Variants in CLIC5 observed in about 807,000 individuals in gnomAD.
CLIC5 encodes chloride intracellular channel protein 5.
In CLIC5, 20 loss-of-function variants were observed where a neutral mutation model predicts 24.7. That is an observed-to-expected ratio of 0.81 (90% CI 0.57 to 1.18). The LOEUF (loss-of-function observed/expected upper bound fraction) is 1.18, where lower values mean the gene tolerates loss of function less well. Ranked by LOEUF, CLIC5 falls within the 50% of genes most tolerant of loss-of-function variation. The probability of loss-of-function intolerance (pLI) is 0.00; values close to 1 mark genes in which losing one functional copy is unlikely to be tolerated. For missense variants in CLIC5, 341 were observed against 326.1 expected (o/e 1.05, Z -0.35); for synonymous variants, 159 against 135.6 (o/e 1.17, Z -1.20).
Position 46,037,159 on chromosome 6 carries a change from G to A in CLIC5, c.540+42544C>T, listed in dbSNP as rs139424449. 7.2e-5 allele frequency among the ~76,000 whole-genome samples: 11 copies of A among 152,184 alleles called. No homozygotes were observed. The East Asian group carries it at 1.9e-3, about 27-fold the overall frequency. On this transcript the variant is annotated intron_variant, in intron 1 of 5. Transcript: ENST00000185206. Reference sequence around the variant, plus strand: ...GAAGGACATCACTGTCATTCTGGCCGGTGAATGATTATTCATTTTTCCCCC... The same window carrying A: ...GAAGGACATCACTGTCATTCTGGCCAGTGAATGATTATTCATTTTTCCCCC...
intron 1 of CLIC5, among the ~76,000 whole-genome samples, chr6:45,982,625 A>T (rs9472642): frequency 0.34 from 51,799 of 152,032 alleles, 9,331 homozygotes; most frequent in African/African-American, 0.44. Context: ...ATATAGAAAA[A>T]GCATAATAAA....
At chr6:46,044,579 T>C (rs1171050199) in intron 1 of CLIC5, among the ~76,000 whole-genome samples, 1 of 152,208 alleles carries the variant, frequency 6.6e-6, no homozygotes, top group African/African-American at 2.4e-5. Context: ...GGTGATCTTT[T>C]GCTTCACATC....
chr6:46,009,370 G>T (rs141376367), intron 1 of CLIC5, among the ~76,000 whole-genome samples: 14 of 152,102 alleles, frequency 9.2e-5, no homozygotes, highest in African/African-American at 3.4e-4. Context: ...TCCAAAGCAG[G>T]TTGTCATTTA....
intron 1 of CLIC5, among the ~76,000 whole-genome samples, chr6:45,957,897 C>T (rs931929160): frequency 3.3e-5 from 5 of 152,086 alleles, no homozygotes; most frequent in African/African-American, 1.2e-4. Flanking sequence ...CTCAGTTGGG[C>T]CCCACATCCT....
intron 1 of CLIC5, among the ~76,000 whole-genome samples, chr6:46,052,610 C>A (rs1329245700): frequency 6.6e-6 from 1 of 152,198 alleles, no homozygotes; most frequent in Non-Finnish European, 1.5e-5. Context: ...GGAGTTGGCC[C>A]ATCCCACAGT....
chr6:45,963,140 ATTG>A (rs1422622447), intron 1 of CLIC5, among the ~76,000 whole-genome samples: 2 of 151,836 alleles, frequency 1.3e-5, no homozygotes, highest in Admixed American at 1.3e-4. Context: ...AACTTCTGAA[ATTG>A]TTGTCTTTCA....
chr6:46,116,222 A>G, the CLIC5 span, among the ~76,000 whole-genome samples: 2 of 150,594 alleles, frequency 1.3e-5, no homozygotes, highest in African/African-American at 5.0e-5. Flanking sequence ...GCAGCTTTGG[A>G]GAGAATTTGA....
At chr6:46,024,287 T>C (rs1767268139) in intron 1 of CLIC5, among the ~76,000 whole-genome samples, 1 of 152,136 alleles carries the variant, frequency 6.6e-6, no homozygotes, top group Non-Finnish European at 1.5e-5. Context: ...AGTAAAGCCT[T>C]AAGGATGGTC....
chr6:46,087,101 G>C, the CLIC5 span, among the ~76,000 whole-genome samples: 2 of 152,056 alleles, frequency 1.3e-5, no homozygotes, highest in Non-Finnish European at 2.9e-5. Flanking sequence ...ATACTTTCTT[G>C]CTTCTCAAAT....
intron 4 of CLIC5, among the ~76,000 whole-genome samples, chr6:45,922,930 G>T (rs1012848361): frequency 1.3e-5 from 2 of 151,980 alleles, no homozygotes; most frequent in East Asian, 3.9e-4. Context: ...TCTGGTTAGG[G>T]AACCCGGCCC....
intron 1 of CLIC5, among the ~76,000 whole-genome samples, chr6:46,052,928 C>A (rs1259876714): frequency 1.3e-5 from 2 of 151,842 alleles, no homozygotes; most frequent in Non-Finnish European, 2.9e-5. Context: ...TGCCACTCGG[C>A]CCTTATGATG....
chr6:46,012,630 A>G (rs1046889554), intron 1 of CLIC5, among the ~76,000 whole-genome samples: 7 of 152,240 alleles, frequency 4.6e-5, no homozygotes, highest in Non-Finnish European at 8.8e-5. Flanking sequence ...TATTTGGAAA[A>G]GAGCAAGAAA....
chr6:46,002,240 ATTT>A (rs34935571), intron 1 of CLIC5, among the ~76,000 whole-genome samples: 2 of 138,350 alleles, frequency 1.4e-5, no homozygotes, highest in African/African-American at 2.6e-5. Flanking sequence ...ATAGTCTGTA[ATTT>A]TTTTTGTTGT....
chr6:45,981,848 A>T (rs1465089157), intron 1 of CLIC5, among the ~76,000 whole-genome samples: 2 of 152,106 alleles, frequency 1.3e-5, no homozygotes, highest in Non-Finnish European at 2.9e-5. Flanking sequence ...AATACAAAAA[A>T]TTATCCGGGC....
chr6:45,957,561 T>A (rs1407700312), intron 1 of CLIC5, among the ~76,000 whole-genome samples: 1 of 152,260 alleles, frequency 6.6e-6, no homozygotes, highest in East Asian at 1.9e-4. Flanking sequence ...TGTATGGACA[T>A]CCTCTGGTCA....
chr6:45,895,091 A>T (rs1400258428), downstream of CLIC5, among the ~76,000 whole-genome samples: 1 of 152,194 alleles, frequency 6.6e-6, no homozygotes, highest in African/African-American at 2.4e-5. Flanking sequence ...TACTAATTAA[A>T]GGTGGTTATC....
At chr6:46,011,485 T>C (rs531663399) in intron 1 of CLIC5, among the ~76,000 whole-genome samples, 3 of 152,304 alleles carry the variant, frequency 2.0e-5, no homozygotes, top group East Asian at 3.9e-4. Context: ...ACTGATGTAA[T>C]CGGCTTGGGG....
intron 1 of CLIC5, among the ~76,000 whole-genome samples, chr6:46,076,904 G>A (rs1562039969): frequency 6.6e-6 from 1 of 152,128 alleles, no homozygotes; most frequent in Non-Finnish European, 1.5e-5. Flanking sequence ...TTGGGAGGCC[G>A]AGGTGGGTGG....
chr6:46,033,175 G>A (rs573369013), intron 1 of CLIC5, among the ~76,000 whole-genome samples: 6 of 151,524 alleles, frequency 4.0e-5, no homozygotes, highest in African/African-American at 1.2e-4. Flanking sequence ...TTTTAGTACC[G>A]ACAGGGTTTC....
Sources: allele counts gnomAD v4.1 joint callset (sites outside exome capture counted in the v4.1 genomes callset), GRCh38; gene constraint gnomAD v4.1.1; transcripts MANE v1.5; gene names NCBI Gene and HGNC (gene_info 2026-07-23, HGNC 2026-07-21).